The following EVL variants were observed in gnomAD, a reference collection of about 807,000 sequenced individuals.
The protein encoded by EVL is Enah/Vasp-like, also known as ena/VASP-like protein.
A neutral mutation model predicts 59.6 loss-of-function variants in EVL; 21 were observed. The ratio of observed to expected loss-of-function variants is 0.35; its 90% CI spans 0.25 to 0.51. The LOEUF (loss-of-function observed/expected upper bound fraction) is 0.51. Ranked by LOEUF, EVL falls within the 20% of genes least tolerant of loss-of-function variation. The pLI is 0.97. For missense variants in EVL, 462 were observed against 546.6 expected, an observed-to-expected ratio of 0.85 and a Z score of 1.54; for synonymous variants, 198 against 203.5, an observed-to-expected ratio of 0.97 and a Z score of 0.23.
chr14:100,092,149 G>C (rs75397713), intron 2 of EVL, among the ~76,000 whole-genome samples: 6,153 of 152,200 alleles, frequency 0.04, 368 homozygotes, highest in African/African-American at 0.12. Context: ...GGCTGAGGCA[G>C]GAGGATCCCT....
rs1214106324 is a variant in EVL, at chr14:100,130,755, G to A, written c.839+1071G>A. 6.6e-6 allele frequency among the ~76,000 whole-genome samples: 1 copy of A among 152,232 alleles called. No individual in the cohort carries two copies. The highest frequency in any genetic ancestry group is 1.5e-5 in the Non-Finnish European group (1 of 68,040). Reference sequence around the variant, plus strand: ...TTTCCTGCCAAGGGGCTCTTTGCTTGCATCACAGATGGCAGGGAGGGGAGG... The same window carrying A: ...TTTCCTGCCAAGGGGCTCTTTGCTTACATCACAGATGGCAGGGAGGGGAGG... On this transcript the variant is annotated intron_variant, in intron 7 of 13. Coordinates refer to ENST00000392920, the MANE Select transcript of EVL (RefSeq NM_016337.3). The surrounding 1 kb of genome is among the most constrained non-coding windows in gnomAD (Gnocchi z 4.8).
intron 1 of EVL, among the ~76,000 whole-genome samples, chr14:100,011,143 T>TAA (rs1257142274): frequency 2.0e-5 from 3 of 152,238 alleles, no homozygotes; most frequent in East Asian, 3.8e-4. Context: ...GAATAGATGA[T>TAA]AAGCTATGTT....
At chr14:99,987,710 G>GT (rs1434839756) in intron 1 of EVL, among the ~76,000 whole-genome samples, 2 of 152,106 alleles carry the variant, frequency 1.3e-5, no homozygotes, top group African/African-American at 4.8e-5. Flanking sequence ...CTCCTAGCAT[G>GT]TGAGGATGCA....
chr14:100,069,386 A>G (rs979161719), intron 1 of EVL, among the ~76,000 whole-genome samples: 4 of 152,238 alleles, frequency 2.6e-5, no homozygotes, highest in Non-Finnish European at 5.9e-5. Flanking sequence ...AGTCTCGCAC[A>G]GCCGGGGTTC....
At chr14:100,009,396 G>T (rs1030600403) in intron 1 of EVL, among the ~76,000 whole-genome samples, 4 of 152,198 alleles carry the variant, frequency 2.6e-5, no homozygotes, top group African/African-American at 9.7e-5. Context: ...GTTCATTCAT[G>T]TAGTCTTCAT....
At chr14:100,094,734 A>C (rs1435234288) in intron 2 of EVL, among the ~76,000 whole-genome samples, 1 of 144,868 alleles carries the variant, frequency 6.9e-6, no homozygotes, top group East Asian at 2.1e-4. Flanking sequence ...ACAGAGCAAG[A>C]CTCCATCTTA....
At chr14:100,078,409 G>A (rs1268589098) in intron 1 of EVL, among the ~76,000 whole-genome samples, 1 of 152,180 alleles carries the variant, frequency 6.6e-6, no homozygotes, top group Non-Finnish European at 1.5e-5. Context: ...TTTTCAGAAT[G>A]AGGACATAGC....
chr14:100,104,836 A>G (rs980995748), intron 3 of EVL, among the ~76,000 whole-genome samples: 3 of 151,830 alleles, frequency 2.0e-5, no homozygotes, highest in African/African-American at 7.3e-5. Context: ...GCTGAGCTGC[A>G]GTCACAAGTG....
chr14:100,039,892 C>T (rs990508937), intron 1 of EVL, among the ~76,000 whole-genome samples: 2 of 152,170 alleles, frequency 1.3e-5, no homozygotes, highest in African/African-American at 4.8e-5. Context: ...GATCCTCTCA[C>T]CTCAGCCTCC....
At chr14:99,982,611 T>C (rs2060814825) in intron 1 of EVL, among the ~76,000 whole-genome samples, 1 of 152,038 alleles carries the variant, frequency 6.6e-6, no homozygotes, top group South Asian at 2.1e-4. Flanking sequence ...TACTTTGAAA[T>C]GGTGTAGTTC....
intron 1 of EVL, among the ~76,000 whole-genome samples, chr14:100,029,427 A>G (rs569508494): frequency 6.6e-6 from 1 of 152,318 alleles, no homozygotes; most frequent in Middle Eastern, 3.4e-3. Flanking sequence ...CATCTACTCA[A>G]TATAAGCCAC....
At chr14:100,105,608 G>A (rs759075231) in intron 3 of EVL, among the ~76,000 whole-genome samples, 2 of 151,750 alleles carry the variant, frequency 1.3e-5, no homozygotes, top group Non-Finnish European at 2.9e-5. Flanking sequence ...ACCTGGCTGT[G>A]CTCTTTCTTT....
At chr14:100,101,586 T>C (rs1886227195) in intron 3 of EVL, among the ~76,000 whole-genome samples, 1 of 152,168 alleles carries the variant, frequency 6.6e-6, no homozygotes, top group African/African-American at 2.4e-5. Flanking sequence ...GAGGTTGCAG[T>C]AAGCCGAGAT....
chr14:100,129,819 T>A (rs1888318557), intron 7 of EVL, 135 bp downstream of exon 7: 11 of 1,311,918 alleles, frequency 8.4e-6, no homozygotes, highest in Non-Finnish European at 1.1e-5. Flanking sequence ...GGGAAACTGT[T>A]ACTTAAGTTT....
intron 1 of EVL, among the ~76,000 whole-genome samples, chr14:100,027,628 C>T (rs1055397608): frequency 2.6e-5 from 4 of 151,866 alleles, no homozygotes; most frequent in African/African-American, 9.7e-5. Flanking sequence ...ATATTTATAC[C>T]ACTTTTTTTT....
chr14:100,097,177 G>A (rs773063546), intron 2 of EVL: 4 of 249,822 alleles, frequency 1.6e-5, no homozygotes, highest in Admixed American at 1.0e-4. Flanking sequence ...TGACTGCCAT[G>A]AGTGGAGTGG....
At chr14:100,113,938 G>GT (rs1366525886) in intron 3 of EVL, among the ~76,000 whole-genome samples, 2 of 152,122 alleles carry the variant, frequency 1.3e-5, no homozygotes, top group African/African-American at 4.8e-5. Context: ...AACCACAGTA[G>GT]TTTCCTGGCC....
chr14:100,105,963 C>T (rs181690075), intron 3 of EVL: 19 of 152,374 alleles, frequency 1.2e-4, no homozygotes, highest in African/African-American at 4.6e-4. Flanking sequence ...GGAGGAGGCT[C>T]TTGCCCCCAC....
chr14:100,022,944 A>G lies in EVL; in HGVS notation c.5+50887A>G, dbSNP rs141933380. 2.6e-4 allele frequency among the ~76,000 whole-genome samples: 40 copies of G among 152,278 alleles called. No homozygotes were observed. In the East Asian group the frequency reaches 7.5e-3, roughly 29 times the overall value. On this transcript the variant is annotated intron_variant, in intron 1 of 13. Transcript: ENST00000402714. ...AGCACACCCCACTTGCTGGAGTGCC[A>G]GAGAAGTCATCACGTTTCATTAAGG...
Sources: allele counts gnomAD v4.1 joint callset (sites outside exome capture counted in the v4.1 genomes callset), GRCh38; gene constraint gnomAD v4.1.1; non-coding constraint Gnocchi (gnomAD v3.1); transcripts MANE v1.5; gene names NCBI Gene and HGNC (gene_info 2026-07-23, HGNC 2026-07-21).